PPFIBP1: variants seen among roughly 807,000 people sequenced by gnomAD.
PPFIBP1 encodes PPFIB scaffold protein 1.
A neutral mutation model predicts 137.8 loss-of-function variants in PPFIBP1; 112 were observed. That is an observed-to-expected ratio of 0.81 (90% CI 0.70 to 0.95). The LOEUF (loss-of-function observed/expected upper bound fraction) is 0.95. Ranked by LOEUF, PPFIBP1 falls within the 40% of genes least tolerant of loss-of-function variation. PPFIBP1 has a pLI of 0.00. For missense variants in PPFIBP1, 1,083 were observed against 1,196.6 expected, an observed-to-expected ratio of 0.91 and a Z score of 1.40; for synonymous variants, 378 against 417.3, an observed-to-expected ratio of 0.91 and a Z score of 1.15.
chr12:27,666,503 T>C (rs1013885562), intron 12 of PPFIBP1, among the ~76,000 whole-genome samples: 5 of 152,210 alleles, frequency 3.3e-5, no homozygotes, highest in Non-Finnish European at 5.9e-5. Context: ...TTTTTTTCTG[T>C]TTTTAAAAAA....
chr12:27,647,105 G>A (rs2058558849), intron 5 of PPFIBP1, among the ~76,000 whole-genome samples: 1 of 152,150 alleles, frequency 6.6e-6, no homozygotes, highest in Non-Finnish European at 1.5e-5. Context: ...GGATCCAAGC[G>A]ATTCTCCTGC....
rs138559894 is a variant in PPFIBP1, at chr12:27,610,982, C to G, written c.-35-22380C>G. ...GAAAAACAACCACACGTGCACAATT[C>G]CTTTGTAATTTCAAACTTTAATGGA... On this transcript the variant is annotated intron_variant, in intron 2 of 29. Coordinates refer to ENST00000228425, the MANE Select transcript of PPFIBP1 (RefSeq NM_003622.4). Among the ~76,000 whole-genome samples, 247 of 151,954 alleles carry G rather than the reference C, an allele frequency of 1.6e-3. 1 individual carries two copies. Among genetic ancestry groups the G allele is most frequent in the East Asian group, 8.0e-3 (41 of 5,156 alleles).
chr12:27,574,212 T>C (rs775240173), intron 1 of PPFIBP1, among the ~76,000 whole-genome samples: 2 of 152,192 alleles, frequency 1.3e-5, no homozygotes, highest in East Asian at 3.9e-4. Flanking sequence ...GACATCTTCC[T>C]GACCATGTGA....
chr12:27,570,754 CA>C (rs557270550), intron 1 of PPFIBP1, among the ~76,000 whole-genome samples: 4 of 150,344 alleles, frequency 2.7e-5, no homozygotes, highest in Admixed American at 6.6e-5. Flanking sequence ...ACGAAAAATA[CA>C]AAAAAAAATT....
At position 27,692,895 on chromosome 12, in the gene PPFIBP1, G is replaced by C; in HGVS notation, c.*13G>C. ...CTCAAACGTTTGACCGTAGCACCTG[G>C]ATGAACATTAGGAGTGCTTAGTCTT... On this transcript the variant is annotated 3_prime_UTR_variant, in exon 30 of 30. Transcript: ENST00000228425. The C allele has an allele frequency of 1.2e-6, 2 of 1,613,998 alleles. No individual in the cohort carries two copies. The highest frequency in any genetic ancestry group is 2.2e-5 in the South Asian group (2 of 91,052).
In PPFIBP1 at chr12:27,611,785, G is replaced by GCTCTCTCTCTCT. The variant is rs10549025; in HGVS notation, c.-35-21555_-35-21544dup. ...GTATTGGTTCTGCAGTCAACACTGT[G>GCTCTCTCTCTCT]CTCTCTCTCTCTCTCTCTCTCTCTC... On this transcript the variant is annotated intron_variant, in intron 2 of 29. Coordinates refer to ENST00000228425, the MANE Select transcript of PPFIBP1 (RefSeq NM_003622.4). Among the ~76,000 whole-genome samples the GCTCTCTCTCTCT allele has an allele frequency of 5.1e-5, 7 of 138,128 alleles. No homozygotes were observed. The East Asian group carries it at 1.4e-3, about 28-fold the overall frequency. 90.6% of individuals were successfully genotyped at this position (138,128 alleles called of 152,430 possible).
intron 1 of PPFIBP1, among the ~76,000 whole-genome samples, chr12:27,560,356 G>T (rs146745290): frequency 1.3e-5 from 2 of 152,172 alleles, no homozygotes; most frequent in African/African-American, 4.8e-5. Flanking sequence ...TTGGATTTGG[G>T]GTTCTTTGTA....
At chr12:27,558,486 A>ACACC (rs2048886718) in intron 1 of PPFIBP1, among the ~76,000 whole-genome samples, 1 of 112,748 alleles carries the variant, frequency 8.9e-6, no homozygotes. Context: ...ACACACACAC[A>ACACC]CACACACACG....
At chr12:27,622,323 C>T (rs2056419727) in intron 2 of PPFIBP1, among the ~76,000 whole-genome samples, 1 of 152,158 alleles carries the variant, frequency 6.6e-6, no homozygotes, top group Admixed American at 6.5e-5. Flanking sequence ...TTTGTTTTTC[C>T]ATCATGAATT....
intron 7 of PPFIBP1, 105 bp from the exon 8 acceptor site, chr12:27,654,617 C>A (rs1191449523): frequency 7.9e-6 from 11 of 1,389,034 alleles, no homozygotes; most frequent in Non-Finnish European, 9.5e-6. Flanking sequence ...ACAACTTTAA[C>A]CCTAGGAGCT....
intron 1 of PPFIBP1, among the ~76,000 whole-genome samples, chr12:27,576,009 C>A (rs1276072678): frequency 6.6e-6 from 1 of 152,036 alleles, no homozygotes; most frequent in Non-Finnish European, 1.5e-5. Flanking sequence ...GTATTCAGTC[C>A]TGGTTAGGCC....
intron 2 of PPFIBP1, chr12:27,593,743 T>C: frequency 3.0e-6 from 2 of 664,586 alleles, no homozygotes. Context: ...GAGTCTGTGT[T>C]GTCAGAGCCA....
rs745947373 is a variant in PPFIBP1, at chr12:27,635,203, A to C, written c.270+88A>C. The C allele has an allele frequency of 1.8e-5, 23 of 1,312,576 alleles. 2 individuals are homozygous for C. The highest frequency in any genetic ancestry group is 3.7e-4 in the Middle Eastern group (2 of 5,400). 81.3% of individuals were successfully genotyped at this position (1,312,576 alleles called of 1,614,324 possible). On this transcript the variant is annotated intron_variant, in intron 4 of 29. Coordinates refer to ENST00000228425, the MANE Select transcript of PPFIBP1 (RefSeq NM_003622.4). ...CATAGAATAGCTGATTAGAACAAGAAAAGTTTAGGGCAACACATGTGCTCC... is the reference window on the plus strand; with the variant it reads ...CATAGAATAGCTGATTAGAACAAGACAAGTTTAGGGCAACACATGTGCTCC...
chr12:27,585,805 G>A (rs1417343267), intron 2 of PPFIBP1, among the ~76,000 whole-genome samples: 1 of 152,148 alleles, frequency 6.6e-6, no homozygotes, highest in African/African-American at 2.4e-5. Flanking sequence ...AGGGTAGACT[G>A]GAGAAGTAGC....
chr12:27,662,102 G>A (rs569042862), intron 11 of PPFIBP1, among the ~76,000 whole-genome samples: 5 of 152,292 alleles, frequency 3.3e-5, no homozygotes, highest in African/African-American at 1.2e-4. Context: ...TAACTTCCTC[G>A]TGGGGTCGGG....
chr12:27,543,761 G>A (rs1440614450), intron 1 of PPFIBP1, among the ~76,000 whole-genome samples: 1 of 152,100 alleles, frequency 6.6e-6, no homozygotes, highest in African/African-American at 2.4e-5. Context: ...ACGTTTGCAA[G>A]CTGAGTGCAG....
chr12:27,646,228 CT>C, intron 5 of PPFIBP1, 80 bp downstream of exon 5: 4 of 1,111,218 alleles, frequency 3.6e-6, no homozygotes, highest in Non-Finnish European at 4.0e-6. Flanking sequence ...ATTCAGATTG[CT>C]TGCAGCAATC....
chr12:27,594,010 T>C, intron 2 of PPFIBP1: 1 of 1,345,476 alleles, frequency 7.4e-7, no homozygotes, highest in East Asian at 2.8e-5. Flanking sequence ...TGTCGTCCTC[T>C]ATGTCGCTGT....
intron 1 of PPFIBP1, among the ~76,000 whole-genome samples, chr12:27,534,910 A>C (rs1944818297): frequency 6.6e-6 from 1 of 152,192 alleles, no homozygotes; most frequent in African/African-American, 2.4e-5. Flanking sequence ...TTGTTGTGGT[A>C]ATGACATTAG....
Sources: gnomAD v4.1 joint callset for allele counts (sites outside exome capture counted in the v4.1 genomes callset) on GRCh38, gnomAD v4.1.1 for gene constraint, MANE v1.5 for transcripts, NCBI Gene and HGNC (gene_info 2026-07-23, HGNC 2026-07-21) for gene names.